C12orf42: variants seen among roughly 807,000 people sequenced by gnomAD.
C12orf42 encodes the protein chromosome 12 open reading frame 42, also known as uncharacterized protein C12orf42.
C12orf42 carries 25 observed loss-of-function variants against 21.6 expected under a neutral mutation model. That is an observed-to-expected ratio of 1.16 (90% CI 0.84 to 1.62). The LOEUF (loss-of-function observed/expected upper bound fraction) is 1.62, where lower values mean the gene tolerates loss of function less well. Ranked by LOEUF, C12orf42 falls within the 40% of genes most tolerant of loss-of-function variation. The pLI, the probability that C12orf42 is intolerant of heterozygous loss-of-function variation, is 0.00. For synonymous variants in C12orf42, 174 were observed against 175.0 expected, an observed-to-expected ratio of 0.99 and a Z score of 0.05; for missense variants, 483 against 459.3, an observed-to-expected ratio of 1.05 and a Z score of -0.47.
chr12:103,457,646 G>C (rs535465177), intron 2 of C12orf42, among the ~76,000 whole-genome samples: 9 of 152,206 alleles, frequency 5.9e-5, no homozygotes, highest in African/African-American at 1.4e-4. Context: ...TGCCTAAATA[G>C]CAACTTAACT....
chr12:103,487,646 G>A (rs1954924121), intron 1 of C12orf42, among the ~76,000 whole-genome samples: 1 of 152,182 alleles, frequency 6.6e-6, no homozygotes, highest in Non-Finnish European at 1.5e-5. Context: ...CTCCTGCATT[G>A]GGTGCATATA....
At chr12:103,261,476 CAA>C (rs200549825) in intron 10 of C12orf42, among the ~76,000 whole-genome samples, 2,238 of 78,800 alleles carry the variant, frequency 0.028, 64 homozygotes, top group African/African-American at 0.081. Flanking sequence ...GAGACTCTTT[CAA>C]AAAAAAAAAA....
At chr12:103,384,274 G>T (rs978437589) in intron 3 of C12orf42, among the ~76,000 whole-genome samples, 3 of 152,096 alleles carry the variant, frequency 2.0e-5, no homozygotes, top group Admixed American at 6.5e-5. Flanking sequence ...AGTGGGGGGT[G>T]CTCCTGACCC....
intron 2 of C12orf42, among the ~76,000 whole-genome samples, chr12:103,438,408 G>T (rs1856049068): frequency 6.6e-6 from 1 of 152,016 alleles, no homozygotes; most frequent in Non-Finnish European, 1.5e-5. Context: ...TCTGGCCAGG[G>T]CAATCAGGCA....
chr12:103,364,368 T>A (rs1180053248), intron 4 of C12orf42, among the ~76,000 whole-genome samples: 1 of 151,968 alleles, frequency 6.6e-6, no homozygotes, highest in East Asian at 1.9e-4. Flanking sequence ...GTTTATACTC[T>A]TACATGCCTA....
intron 2 of C12orf42, among the ~76,000 whole-genome samples, chr12:103,463,508 G>A (rs1952882330): frequency 2.0e-5 from 3 of 152,116 alleles, no homozygotes; most frequent in Admixed American, 2.0e-4. Context: ...TTCCAAATGT[G>A]GAATGCTATC....
At chr12:103,270,858 A>C in intron 5 of C12orf42, among the ~76,000 whole-genome samples, 1 of 151,900 alleles carries the variant, frequency 6.6e-6, no homozygotes, top group East Asian at 1.9e-4. Flanking sequence ...TTGATAAAGG[A>C]GTTGTAATCT....
At chr12:103,154,025 C>CAAAAAAAAAAAAAAAA in the C12orf42 span, among the ~76,000 whole-genome samples, 1 of 51,668 alleles carries the variant, frequency 1.9e-5, no homozygotes. Flanking sequence ...CAAATCTCAG[C>CAAAAAAAAAAAAAAAA]AAAAAAAAAA....
At chr12:103,457,146 C>G (rs1321008052) in intron 2 of C12orf42, among the ~76,000 whole-genome samples, 1 of 152,106 alleles carries the variant, frequency 6.6e-6, no homozygotes, top group Non-Finnish European at 1.5e-5. Flanking sequence ...GACTTTGTTA[C>G]TTTGAAACAC....
At chr12:103,080,335 T>A in the C12orf42 span, among the ~76,000 whole-genome samples, 1 of 152,232 alleles carries the variant, frequency 6.6e-6, no homozygotes, top group East Asian at 1.9e-4. Context: ...TATGTTTTCA[T>A]AACTGGTTCT....
At chr12:103,220,447 T>C in the C12orf42 span, among the ~76,000 whole-genome samples, 13 of 152,054 alleles carry the variant, frequency 8.5e-5, no homozygotes, top group African/African-American at 3.1e-4. Context: ...AATATATATA[T>C]TTACAGATTT....
chr12:103,403,825 A>G (rs560476211), intron 2 of C12orf42, among the ~76,000 whole-genome samples: 1 of 152,286 alleles, frequency 6.6e-6, no homozygotes, highest in African/African-American at 2.4e-5. Context: ...ACCTTTGCCC[A>G]GGGCAGTCAG....
chr12:103,069,686 T>C, the C12orf42 span, among the ~76,000 whole-genome samples: 4 of 152,194 alleles, frequency 2.6e-5, no homozygotes, highest in Admixed American at 2.6e-4. Context: ...GGGCTGTCTG[T>C]ATTTGATATC....
chr12:103,321,065 A>C (rs553688764), intron 4 of C12orf42, among the ~76,000 whole-genome samples: 1 of 152,330 alleles, frequency 6.6e-6, no homozygotes, highest in African/African-American at 2.4e-5. Context: ...GTTTTTTTAA[A>C]AATTTCTGGT....
At chr12:103,507,133 T>TA in the C12orf42 span, among the ~76,000 whole-genome samples, 1 of 19,144 alleles carries the variant, frequency 5.2e-5, no homozygotes, top group African/African-American at 4.5e-4. Flanking sequence ...ATATAATATA[T>TA]ATTATATATA....
the C12orf42 span, among the ~76,000 whole-genome samples, chr12:103,136,276 G>A: frequency 6.6e-6 from 1 of 151,866 alleles, no homozygotes; most frequent in Non-Finnish European, 1.5e-5. Flanking sequence ...AAGAAATAAA[G>A]AAAGCTATAT....
At chr12:103,248,537 A>G (rs1390830543) in intron 10 of C12orf42, among the ~76,000 whole-genome samples, 3 of 151,860 alleles carry the variant, frequency 2.0e-5, no homozygotes, top group African/African-American at 4.8e-5. Flanking sequence ...GTCGTTAAAC[A>G]TATTTGTTAT....
chr12:103,115,924 C>T, the C12orf42 span, among the ~76,000 whole-genome samples: 1 of 152,124 alleles, frequency 6.6e-6, no homozygotes, highest in Non-Finnish European at 1.5e-5. Context: ...TTGGACTTGG[C>T]GTTTGGGTTA....
chr12:103,534,012 G>T, the C12orf42 span, among the ~76,000 whole-genome samples: 1 of 152,212 alleles, frequency 6.6e-6, no homozygotes, highest in Non-Finnish European at 1.5e-5. Flanking sequence ...ATTAAATGAA[G>T]TATATTAAGT....
Sources: allele counts gnomAD v4.1 joint callset (sites outside exome capture counted in the v4.1 genomes callset), GRCh38; gene constraint gnomAD v4.1.1; transcripts MANE v1.5; gene names NCBI Gene and HGNC (gene_info 2026-07-23, HGNC 2026-07-21).